The following NFIA variants were observed in gnomAD, a reference collection of about 807,000 sequenced individuals.
NFIA encodes the protein nuclear factor I A.
A neutral mutation model predicts 62.8 loss-of-function variants in NFIA; 8 were observed. The ratio of observed to expected loss-of-function variants is 0.13; its 90% CI spans 0.07 to 0.23. NFIA has a LOEUF of 0.23. Among genes scored for constraint, NFIA ranks in the 10% least tolerant of loss-of-function variants. The probability of loss-of-function intolerance (pLI) is 1.00; values close to 1 mark genes in which losing one functional copy is unlikely to be tolerated. For synonymous variants in NFIA, 235 were observed against 238.1 expected, an observed-to-expected ratio of 0.99 and a Z score of 0.12; for missense variants, 410 against 642.1, an observed-to-expected ratio of 0.64 and a Z score of 3.91.
chr1:61,269,658 CCAGA>C (rs1251097934), intron 2 of NFIA, among the ~76,000 whole-genome samples: 1 of 152,078 alleles, frequency 6.6e-6, no homozygotes, highest in Non-Finnish European at 1.5e-5. Context: ...GCTTGAATAT[CCAGA>C]CAGTGTTGTC....
At chr1:61,257,861 GTTTTTTTT>G (rs58077067) in intron 2 of NFIA, among the ~76,000 whole-genome samples, 1 of 126,468 alleles carries the variant, frequency 7.9e-6, no homozygotes, top group Non-Finnish European at 1.6e-5. Flanking sequence ...ATGCTTAGCT[GTTTTTTTT>G]TTTTTTTCTT....
chr1:61,148,656 T>C (rs769452927), intron 2 of NFIA, among the ~76,000 whole-genome samples: 2 of 152,246 alleles, frequency 1.3e-5, no homozygotes, highest in African/African-American at 2.4e-5. Flanking sequence ...TTCCAAACTC[T>C]ATTGGTACTT....
chr1:61,455,513 A>ATTTTTTT lies in NFIA; in HGVS notation c.*200_*206dup, dbSNP rs11423561. 19 of 583,248 alleles carry ATTTTTTT rather than the reference A, an allele frequency of 3.3e-5. No individual in the cohort carries two copies. Among genetic ancestry groups the ATTTTTTT allele is most frequent in the African/African-American group, 5.8e-5 (3 of 51,938 alleles). The allele number at this position is 583,248 out of a possible 1,614,324, so 36.1% of individuals were successfully genotyped here. ...ACAGCAAAGGCCATAACCTTTTGGG[A>ATTTTTTT]TTTTTTTTTTTTTAAAATACTTTAG... On this transcript the variant is annotated 3_prime_UTR_variant, in exon 11 of 11. Coordinates refer to ENST00000403491, the MANE Select transcript of NFIA (RefSeq NM_001134673.4).
At chr1:61,246,513 G>A (rs17121858) in intron 2 of NFIA, among the ~76,000 whole-genome samples, 20,747 of 151,942 alleles carry the variant, frequency 0.14, 1,513 homozygotes, top group East Asian at 0.18. Context: ...GACTTCAGAT[G>A]CAGTATATTA....
At chr1:61,224,823 C>T (rs1007382295) in intron 2 of NFIA, among the ~76,000 whole-genome samples, 1 of 152,118 alleles carries the variant, frequency 6.6e-6, no homozygotes, top group Admixed American at 6.5e-5. Flanking sequence ...AAGGGATGTT[C>T]TAATAAAGCT....
At chr1:61,363,359 C>T (rs1248403973) in intron 6 of NFIA, among the ~76,000 whole-genome samples, 1 of 152,152 alleles carries the variant, frequency 6.6e-6, no homozygotes, top group African/African-American at 2.4e-5. Flanking sequence ...AATCCCAGCA[C>T]TTTGGGAGGC....
intron 2 of NFIA, among the ~76,000 whole-genome samples, chr1:61,095,418 A>T (rs1646393621): frequency 6.6e-6 from 1 of 152,218 alleles, no homozygotes. Flanking sequence ...ATTCAAACCC[A>T]GGTCTTCTGA....
intron 2 of NFIA, among the ~76,000 whole-genome samples, chr1:61,195,967 T>C (rs1038426385): frequency 6.6e-6 from 1 of 152,204 alleles, no homozygotes; most frequent in East Asian, 1.9e-4. Context: ...TTGATCTTTT[T>C]AGTCAGACTT....
intron 10 of NFIA, among the ~76,000 whole-genome samples, chr1:61,442,339 A>G (rs1020370558): frequency 3.9e-5 from 6 of 152,202 alleles, no homozygotes; most frequent in Admixed American, 1.3e-4. Flanking sequence ...TGAAACTACT[A>G]TTTTACCAGA....
chr1:61,184,278 C>G (rs1650988503), intron 2 of NFIA, among the ~76,000 whole-genome samples: 1 of 152,238 alleles, frequency 6.6e-6, no homozygotes, highest in Admixed American at 6.5e-5. Context: ...CCGCTCCTTA[C>G]ATGGCGGCTG....
At chr1:61,156,101 T>A (rs1157751184) in intron 2 of NFIA, among the ~76,000 whole-genome samples, 1 of 152,158 alleles carries the variant, frequency 6.6e-6, no homozygotes, top group Non-Finnish European at 1.5e-5. Flanking sequence ...GCCATTGCGC[T>A]CCAGCCTGGG....
At chr1:61,119,983 C>T (rs1193661384) in intron 2 of NFIA, among the ~76,000 whole-genome samples, 1 of 152,174 alleles carries the variant, frequency 6.6e-6, no homozygotes, top group East Asian at 1.9e-4. Context: ...TCATTACCTG[C>T]ATGTAGGTTA....
intron 4 of NFIA, among the ~76,000 whole-genome samples, chr1:61,340,019 G>A (rs1049289408): frequency 6.6e-6 from 1 of 152,176 alleles, no homozygotes; most frequent in Non-Finnish European, 1.5e-5. Flanking sequence ...TCACTGCTCT[G>A]CATGAAGGTC....
In NFIA at chr1:61,082,816, C is replaced by A; in HGVS notation, c.25C>A (p.Gln9Lys). MYSPLCLT[Q>K]DEFHPFIEAL... Reference sequence around the variant, plus strand: ...TATGTATTCTCCGCTCTGTCTCACCCAGGTAAGCCGCGGCGTGGATGCGGA... The same window carrying A: ...TATGTATTCTCCGCTCTGTCTCACCAAGGTAAGCCGCGGCGTGGATGCGGA... Residue 9 changes from glutamine to lysine, a missense_variant and splice_region_variant, in exon 1 of 11, where the codon CAG (glutamine) becomes AAG (lysine). Gln to Lys is a moderately conservative substitution (Grantham distance 53). Coordinates refer to ENST00000403491, the MANE Select transcript of NFIA (RefSeq NM_001134673.4). The A allele has an allele frequency of 6.4e-7, 1 of 1,550,424 alleles. No individual in the cohort carries two copies. The highest frequency in any genetic ancestry group is 1.2e-5 in the South Asian group (1 of 83,992).
At chr1:61,234,461 G>T (rs1654867968) in intron 2 of NFIA, among the ~76,000 whole-genome samples, 1 of 151,950 alleles carries the variant, frequency 6.6e-6, no homozygotes, top group Non-Finnish European at 1.5e-5. Flanking sequence ...GCGTTATGCG[G>T]GTATACGTCT....
chr1:61,303,867 A>G (rs1425995522), intron 3 of NFIA, among the ~76,000 whole-genome samples: 1 of 152,198 alleles, frequency 6.6e-6, no homozygotes, highest in Non-Finnish European at 1.5e-5. Context: ...ATTTCCAGGA[A>G]CTGAGAATAG....
rs537028645 is a variant in NFIA, at chr1:61,447,194, G to A, written c.1513-8109G>A. 4.6e-5 allele frequency among the ~76,000 whole-genome samples: 7 copies of A among 152,166 alleles called. No homozygotes were observed. In the South Asian group the frequency reaches 1.2e-3, roughly 27 times the overall value. ...AATGTGAAAATCAAAAATTACAAAGGGCTAGGCTGCTTCTTCATTTTTTGC... is the reference window on the plus strand; with the variant it reads ...AATGTGAAAATCAAAAATTACAAAGAGCTAGGCTGCTTCTTCATTTTTTGC... On this transcript the variant is annotated intron_variant, in intron 10 of 10. Coordinates refer to ENST00000403491, the MANE Select transcript of NFIA (RefSeq NM_001134673.4).
At chr1:61,406,312 G>T (rs1665816729) in intron 8 of NFIA, among the ~76,000 whole-genome samples, 3 of 152,162 alleles carry the variant, frequency 2.0e-5, no homozygotes, top group African/African-American at 7.2e-5. Context: ...GAAGGACAAT[G>T]TAGTTCAAGA....
intron 2 of NFIA, among the ~76,000 whole-genome samples, chr1:61,175,967 T>G (rs1285685961): frequency 6.6e-6 from 1 of 152,220 alleles, no homozygotes; most frequent in Non-Finnish European, 1.5e-5. Context: ...CCCCGGGCTA[T>G]CTTTCTGCAC....
Sources: allele counts gnomAD v4.1 joint callset (sites outside exome capture counted in the v4.1 genomes callset), GRCh38; gene constraint gnomAD v4.1.1; transcripts MANE v1.5; gene names NCBI Gene and HGNC (gene_info 2026-07-23, HGNC 2026-07-21).